Variants in SLC10A7 observed in about 807,000 individuals in gnomAD.
SLC10A7 encodes the protein solute carrier family 10 member 7, also known as sodium/bile acid cotransporter 7.
Under a neutral mutation model 43.2 loss-of-function variants are expected in SLC10A7, and 29 were observed. That is an observed-to-expected ratio of 0.67 (90% CI 0.50 to 0.92). The LOEUF is 0.92. SLC10A7 is among the 40% of genes least tolerant of loss of function. The probability of loss-of-function intolerance (pLI) is 0.00; values close to 1 mark genes in which losing one functional copy is unlikely to be tolerated. For missense variants in SLC10A7, 295 were observed against 403.2 expected, an observed-to-expected ratio of 0.73 and a Z score of 2.30; for synonymous variants, 152 against 144.8, an observed-to-expected ratio of 1.05 and a Z score of -0.35.
chr4:146,352,137 A>G (rs1735164534), intron 5 of SLC10A7, among the ~76,000 whole-genome samples: 1 of 107,140 alleles, frequency 9.3e-6, no homozygotes, highest in Non-Finnish European at 1.8e-5. Context: ...TATTCAGGAA[A>G]CCCATCTCAC....
chr4:146,304,180 G>T (rs1222656198), intron 7 of SLC10A7, among the ~76,000 whole-genome samples: 1 of 51,372 alleles, frequency 1.9e-5, no homozygotes, highest in Non-Finnish European at 4.0e-5. Context: ...GAATGACAAA[G>T]TAAACCCTAA....
chr4:146,277,515 C>T (rs1960018), intron 10 of SLC10A7, among the ~76,000 whole-genome samples: 71,381 of 151,978 alleles, frequency 0.47, 16,984 homozygotes, highest in Admixed American at 0.57. Context: ...CACTCCCTCA[C>T]TTTTCTTTAG....
At chr4:146,493,776 C>CA (rs1489325401) in intron 4 of SLC10A7, among the ~76,000 whole-genome samples, 1 of 152,108 alleles carries the variant, frequency 6.6e-6, no homozygotes, top group African/African-American at 2.4e-5. Context: ...AATACTTATA[C>CA]AAAAAACCTG....
chr4:146,492,995 C>T (rs7665599), intron 4 of SLC10A7, among the ~76,000 whole-genome samples: 98,652 of 152,004 alleles, frequency 0.65, 32,477 homozygotes, highest in East Asian at 0.83. Context: ...AATTTGTTGA[C>T]ATTTTCATAA....
intron 1 of SLC10A7, 30 bp downstream of exon 1, chr4:146,521,588 C>T (rs761774190): frequency 1.8e-5 from 28 of 1,576,006 alleles, no homozygotes; most frequent in Non-Finnish European, 2.3e-5. Flanking sequence ...GTGGGAGCCG[C>T]GGTGGAGCCG....
At chr4:146,356,056 A>C (rs901245968) in intron 5 of SLC10A7, among the ~76,000 whole-genome samples, 1 of 130,932 alleles carries the variant, frequency 7.6e-6, no homozygotes, top group African/African-American at 2.8e-5. Context: ...AAAAAAATAT[A>C]TATATATATA....
chr4:146,503,934 A>G lies in SLC10A7; in HGVS notation c.321-10T>C, dbSNP rs1403616648. On this transcript the variant is annotated splice_polypyrimidine_tract_variant and intron_variant, in intron 3 of 11. Coordinates refer to ENST00000335472, the MANE Select transcript of SLC10A7 (RefSeq NM_001029998.6). ...ACCTACTGTCTGCAAACTGAAAAAT[A>G]AAAGAAAATCCAACTATAAATAATT... 1.2e-6 allele frequency: 2 copies of G among 1,612,250 alleles called. No individual in the cohort carries two copies. Among genetic ancestry groups the G allele is most frequent in the Non-Finnish European group, 8.5e-7 (1 of 1,178,452 alleles).
intron 4 of SLC10A7, among the ~76,000 whole-genome samples, chr4:146,481,678 T>C (rs962777561): frequency 6.6e-6 from 1 of 152,216 alleles, no homozygotes; most frequent in African/African-American, 2.4e-5. Context: ...AGGGTATGCT[T>C]CAGAGCAACG....
intron 5 of SLC10A7, among the ~76,000 whole-genome samples, chr4:146,375,711 A>C: frequency 1.3e-5 from 2 of 152,236 alleles, no homozygotes; most frequent in African/African-American, 4.8e-5. Context: ...TGTTTTTCCT[A>C]TTCTCACACA....
intron 10 of SLC10A7, among the ~76,000 whole-genome samples, chr4:146,268,233 G>C (rs192669637): frequency 1.4e-4 from 22 of 152,248 alleles, no homozygotes; most frequent in Admixed American, 1.2e-3. Flanking sequence ...ATTCGGCTAT[G>C]CTAAGTAGAT....
intron 5 of SLC10A7, 200 bp downstream of exon 5, chr4:146,442,583 C>A: frequency 7.1e-7 from 1 of 1,409,664 alleles, no homozygotes; most frequent in African/African-American, 1.5e-5. Context: ...AAAACCCAAA[C>A]CTCCAAAATA....
intron 4 of SLC10A7, among the ~76,000 whole-genome samples, chr4:146,475,162 G>C (rs1733916844): frequency 6.6e-6 from 1 of 152,026 alleles, no homozygotes; most frequent in Non-Finnish European, 1.5e-5. Flanking sequence ...GTTTCTTCCT[G>C]AATAGCCCTT....
intron 4 of SLC10A7, among the ~76,000 whole-genome samples, chr4:146,499,600 T>C (rs1736213306): frequency 6.6e-6 from 1 of 152,234 alleles, no homozygotes; most frequent in Non-Finnish European, 1.5e-5. Context: ...AAATATGAAA[T>C]AGTCTACTCA....
intron 5 of SLC10A7, among the ~76,000 whole-genome samples, chr4:146,369,636 A>C (rs2679149): frequency 0.011 from 1,655 of 152,300 alleles, 25 homozygotes; most frequent in African/African-American, 0.037. Context: ...GCTTACTCCT[A>C]AGGCCTGATT....
At chr4:146,442,736 T>C (rs1301050990) in intron 5 of SLC10A7, 47 bp downstream of exon 5, 10 of 1,593,878 alleles carry the variant, frequency 6.3e-6, no homozygotes, top group South Asian at 4.6e-5. Context: ...ATATACACAA[T>C]ATCACAGCAA....
chr4:146,438,857 T>C (rs1020529902), intron 5 of SLC10A7, among the ~76,000 whole-genome samples: 1 of 152,038 alleles, frequency 6.6e-6, no homozygotes, highest in Non-Finnish European at 1.5e-5. Flanking sequence ...GATGTCAGTA[T>C]CTATTTTTTA....
intron 5 of SLC10A7, among the ~76,000 whole-genome samples, chr4:146,420,171 T>C (rs1728855983): frequency 6.6e-6 from 1 of 152,084 alleles, no homozygotes; most frequent in Non-Finnish European, 1.5e-5. Context: ...GTGTTCTTCA[T>C]TCATGAAAAA....
rs1578790209 is a variant in SLC10A7, at chr4:146,286,961, AGTTTGGAGTGGTGAGAAGGACTGT to A, written c.774-3720_774-3697del. On this transcript the variant is annotated intron_variant, in intron 9 of 11. Transcript: ENST00000335472. The stretch of plus-strand genomic sequence containing the variant: ...GAACTTGGAGTGGTGAGAAGGACTG[AGTTTGGAGTGGTGAGAAGGACTGT>A]GTTTGGAGTGGTGAGAAGGACTGTG... 1.4e-4 allele frequency among the ~76,000 whole-genome samples: 17 copies of A among 125,794 alleles called. No homozygotes were observed. In the East Asian group the frequency reaches 2.2e-3, roughly 17 times the overall value. The allele number at this position is 125,794 out of a possible 152,430, so 82.5% of individuals were successfully genotyped here.
chr4:146,424,635 G>C (rs955987453), intron 5 of SLC10A7, among the ~76,000 whole-genome samples: 2 of 151,710 alleles, frequency 1.3e-5, no homozygotes, highest in African/African-American at 4.8e-5. Context: ...ACTGTAGCCT[G>C]GGTGACAGAG....
Sources: gnomAD v4.1 joint callset for allele counts (sites outside exome capture counted in the v4.1 genomes callset) on GRCh38, gnomAD v4.1.1 for gene constraint, MANE v1.5 for transcripts, NCBI Gene and HGNC (gene_info 2026-07-23, HGNC 2026-07-21) for gene names.